Variants in COL22A1 observed in about 807,000 individuals in gnomAD.
COL22A1 encodes collagen alpha-1(XXII) chain.
COL22A1 carries 221 observed loss-of-function variants against 248.9 expected under a neutral mutation model. That is an observed-to-expected ratio of 0.89 (90% CI 0.80 to 0.99). COL22A1 has a LOEUF of 0.99. Among genes scored for constraint, COL22A1 ranks in the 50% least tolerant of loss-of-function variants. COL22A1 has a pLI of 0.00. For missense variants in COL22A1, 2,240 were observed against 2,179.0 expected (o/e 1.03, Z -0.56); for synonymous variants, 891 against 793.4 (o/e 1.12, Z -2.07).
intron 35 of COL22A1, among the ~76,000 whole-genome samples, chr8:138,692,338 A>AGGTG (rs375254098): frequency 2.1e-5 from 1 of 47,240 alleles, no homozygotes; most frequent in African/African-American, 8.5e-5. Flanking sequence ...ATGTTTGTGG[A>AGGTG]TGTGTGTATG....
intron 13 of COL22A1, among the ~76,000 whole-genome samples, chr8:138,780,683 T>C (rs1814883987): frequency 1.3e-5 from 2 of 152,200 alleles, no homozygotes; most frequent in African/African-American, 4.8e-5. Flanking sequence ...GCAGAACTAC[T>C]TGTTAACTAA....
At chr8:138,850,642 G>A (rs1821568557) in intron 3 of COL22A1, among the ~76,000 whole-genome samples, 1 of 152,238 alleles carries the variant, frequency 6.6e-6, no homozygotes, top group South Asian at 2.1e-4. Flanking sequence ...CCAGCCAAGT[G>A]TGAGCTGTGC....
chr8:138,724,067 C>A (rs549643947), intron 25 of COL22A1, among the ~76,000 whole-genome samples: 1 of 152,162 alleles, frequency 6.6e-6, no homozygotes, highest in South Asian at 2.1e-4. Context: ...CTACCCAGGT[C>A]TCAGCCCACG....
chr8:138,886,445 G>GA (rs1159222207), intron 1 of COL22A1, among the ~76,000 whole-genome samples: 3 of 151,578 alleles, frequency 2.0e-5, no homozygotes, highest in African/African-American at 4.8e-5. Context: ...GGAAGAGAGA[G>GA]AAAAAAAAGG....
At chr8:138,740,300 T>C (rs1001338702) in intron 22 of COL22A1, among the ~76,000 whole-genome samples, 3 of 152,112 alleles carry the variant, frequency 2.0e-5, no homozygotes, top group Admixed American at 2.0e-4. Context: ...GATCGGAATA[T>C]CTAATGGTTG....
chr8:138,746,539 G>A (rs934527098), intron 22 of COL22A1, among the ~76,000 whole-genome samples: 1 of 152,148 alleles, frequency 6.6e-6, no homozygotes, highest in Non-Finnish European at 1.5e-5. Flanking sequence ...ATATCCAAAT[G>A]ACAGAACACA....
At chr8:138,604,603 A>G (rs1037855314) in intron 59 of COL22A1, 131 bp downstream of exon 59, 52 of 775,156 alleles carry the variant, frequency 6.7e-5, no homozygotes, top group Non-Finnish European at 9.8e-5. Flanking sequence ...AGGCATTAAG[A>G]ATTTCAAAAC....
chr8:138,650,498 C>A (rs1349012950), intron 45 of COL22A1, among the ~76,000 whole-genome samples: 1 of 152,084 alleles, frequency 6.6e-6, no homozygotes, highest in Non-Finnish European at 1.5e-5. Context: ...ACACTATGTG[C>A]CAAATAAAAC....
chr8:138,625,147 C>G (rs75066675), intron 51 of COL22A1, among the ~76,000 whole-genome samples: 1 of 152,022 alleles, frequency 6.6e-6, no homozygotes, highest in African/African-American at 2.4e-5. Flanking sequence ...ATAAGCACTC[C>G]GAAGAAAAGG....
At position 138,589,403 on chromosome 8, in the gene COL22A1, A is replaced by C; in HGVS notation, c.4731T>G (p.Leu1577=). ...PGEPGYAKDG[L]PGIPGPQGET... ...CCCCTTGAGGGCCAGGGATCCCAGG[A>C]AGTCCATCTTTAGCATAGCCAGGTT... Residue 1577 remains leucine, a synonymous_variant, in exon 65 of 65, where the codon CTT becomes CTG. Coordinates refer to ENST00000303045, the MANE Select transcript of COL22A1 (RefSeq NM_152888.3). 1 of 1,590,868 alleles carries C rather than the reference A, an allele frequency of 6.3e-7. No homozygotes were observed. Among genetic ancestry groups the C allele is most frequent in the Non-Finnish European group, 8.6e-7 (1 of 1,169,382 alleles).
chr8:138,873,208 C>T (rs979571689), intron 3 of COL22A1, among the ~76,000 whole-genome samples: 1 of 152,196 alleles, frequency 6.6e-6, no homozygotes, highest in Non-Finnish European at 1.5e-5. Flanking sequence ...AGCCAGCCTG[C>T]CTTTTCTAAA....
intron 37 of COL22A1, 123 bp downstream of exon 37, chr8:138,688,794 C>T (rs1826574511): frequency 3.9e-6 from 3 of 773,134 alleles, no homozygotes; most frequent in Admixed American, 1.9e-5. Flanking sequence ...CTCCCTCCTA[C>T]TTAGTAAACC....
At chr8:138,652,117 T>C (rs185544521) in intron 45 of COL22A1, among the ~76,000 whole-genome samples, 3 of 152,210 alleles carry the variant, frequency 2.0e-5, no homozygotes, top group Non-Finnish European at 4.4e-5. Context: ...CCAGAGCTCC[T>C]GGGAGCCCCC....
intron 33 of COL22A1, 59 bp from the exon 34 acceptor site, chr8:138,694,620 G>T (rs143960442): frequency 1.9e-6 from 3 of 1,563,970 alleles, no homozygotes; most frequent in Non-Finnish European, 1.8e-6. Context: ...GCAGATGGGC[G>T]GATGGGGCGG....
chr8:138,599,554 A>T (rs1817832730), intron 60 of COL22A1, among the ~76,000 whole-genome samples: 2 of 152,134 alleles, frequency 1.3e-5, no homozygotes, highest in Admixed American at 1.3e-4. Flanking sequence ...CTCCATCATT[A>T]GCAAAATTTT....
At chr8:138,872,287 G>T (rs550058244) in intron 3 of COL22A1, among the ~76,000 whole-genome samples, 11 of 152,190 alleles carry the variant, frequency 7.2e-5, no homozygotes, top group Admixed American at 4.6e-4. Context: ...GGGTGGGAGA[G>T]GGGGAGGGGA....
intron 4 of COL22A1, among the ~76,000 whole-genome samples, chr8:138,835,358 C>G (rs1820349826): frequency 6.6e-6 from 1 of 152,228 alleles, no homozygotes; most frequent in African/African-American, 2.4e-5. Context: ...AAGCACCCCT[C>G]CAAACCGTGC....
At chr8:138,898,955 T>C (rs1025684695) in intron 1 of COL22A1, among the ~76,000 whole-genome samples, 4 of 152,196 alleles carry the variant, frequency 2.6e-5, no homozygotes, top group African/African-American at 9.7e-5. Flanking sequence ...CCTGATACGT[T>C]GTCACAGATT....
chr8:138,729,840 C>T (rs1830578441), intron 23 of COL22A1, among the ~76,000 whole-genome samples: 1 of 152,162 alleles, frequency 6.6e-6, no homozygotes, highest in Admixed American at 6.5e-5. Context: ...GCCGCCTCGC[C>T]TTGGGGGTTA....
Sources: gnomAD v4.1 joint callset for allele counts (sites outside exome capture counted in the v4.1 genomes callset) on GRCh38, gnomAD v4.1.1 for gene constraint, MANE v1.5 for transcripts, NCBI Gene and HGNC (gene_info 2026-07-23, HGNC 2026-07-21) for gene names.